Variants in PSD3 observed in about 807,000 individuals in gnomAD.
The protein encoded by PSD3 is pleckstrin and Sec7 domain containing 3.
Under a neutral mutation model 105.5 loss-of-function variants are expected in PSD3, and 49 were observed. That is an observed-to-expected ratio of 0.46 (90% CI 0.37 to 0.59). The LOEUF (loss-of-function observed/expected upper bound fraction) is 0.59, where lower values mean the gene tolerates loss of function less well. PSD3 is among the 20% of genes least tolerant of loss of function. The pLI, the probability that PSD3 is intolerant of heterozygous loss-of-function variation, is 0.00. For missense variants in PSD3, 1,561 were observed against 1,263.8 expected, an observed-to-expected ratio of 1.24 and a Z score of -3.57; for synonymous variants, 557 against 457.8, an observed-to-expected ratio of 1.22 and a Z score of -2.77.
At chr8:18,625,745 T>G (rs1435949837) in intron 11 of PSD3, among the ~76,000 whole-genome samples, 1 of 152,194 alleles carries the variant, frequency 6.6e-6, no homozygotes, top group Non-Finnish European at 1.5e-5. Context: ...ACATCCTTGG[T>G]TAAGATGCTT....
intron 9 of PSD3, among the ~76,000 whole-genome samples, chr8:18,659,385 G>A (rs1809152269): frequency 6.6e-6 from 1 of 152,058 alleles, no homozygotes; most frequent in Non-Finnish European, 1.5e-5. Flanking sequence ...CAACAAAATG[G>A]GATTTCAGAA....
intron 12 of PSD3, among the ~76,000 whole-genome samples, chr8:18,582,493 G>A (rs1802883258): frequency 6.6e-6 from 1 of 151,998 alleles, no homozygotes; most frequent in Admixed American, 6.6e-5. Flanking sequence ...ATGGTCCACT[G>A]GCTCTGTCCT....
intron 9 of PSD3, among the ~76,000 whole-genome samples, chr8:18,754,659 T>C (rs1034534084): frequency 6.6e-6 from 1 of 152,104 alleles, no homozygotes; most frequent in African/African-American, 2.4e-5. Flanking sequence ...ATACAGGTTG[T>C]GTGAAATTTG....
At chr8:18,704,809 A>C (rs1270597125) in intron 9 of PSD3, among the ~76,000 whole-genome samples, 3 of 152,210 alleles carry the variant, frequency 2.0e-5, no homozygotes, top group African/African-American at 7.2e-5. Context: ...ATGTTAAAAG[A>C]CAAACCAGCA....
intron 4 of PSD3, among the ~76,000 whole-genome samples, chr8:18,806,099 G>C (rs1285286084): frequency 6.6e-6 from 1 of 152,124 alleles, no homozygotes; most frequent in East Asian, 1.9e-4. Context: ...CTCAAGCGCT[G>C]AAATGAAATA....
At chr8:19,063,236 C>T (rs1016942136) in intron 1 of PSD3, among the ~76,000 whole-genome samples, 1 of 152,184 alleles carries the variant, frequency 6.6e-6, no homozygotes, top group African/African-American at 2.4e-5. Flanking sequence ...AAATTGGGCA[C>T]ACTGGTTAGC....
At chr8:18,560,072 T>C (rs1381531881) in intron 14 of PSD3, among the ~76,000 whole-genome samples, 1 of 152,132 alleles carries the variant, frequency 6.6e-6, no homozygotes, top group Non-Finnish European at 1.5e-5. Flanking sequence ...AATCTGTCCA[T>C]TTTGAACAGT....
chr8:19,056,418 A>G (rs1352459802), intron 1 of PSD3, among the ~76,000 whole-genome samples: 1 of 152,220 alleles, frequency 6.6e-6, no homozygotes, highest in South Asian at 2.1e-4. Flanking sequence ...ACGTTGTACA[A>G]TTATAAAGAA....
At chr8:18,541,887 A>C (rs950036606) in intron 15 of PSD3, among the ~76,000 whole-genome samples, 2 of 151,680 alleles carry the variant, frequency 1.3e-5, no homozygotes, top group African/African-American at 4.9e-5. Flanking sequence ...AGTAGCTGGG[A>C]TTACAGGTAT....
chr8:18,859,909 T>A (rs1816309954), intron 4 of PSD3, among the ~76,000 whole-genome samples: 1 of 152,260 alleles, frequency 6.6e-6, no homozygotes, highest in Admixed American at 6.5e-5. Flanking sequence ...TTCTATGAAG[T>A]AGCACTTTTA....
intron 1 of PSD3, among the ~76,000 whole-genome samples, chr8:18,940,850 T>G (rs890791053): frequency 7.9e-5 from 12 of 152,162 alleles, no homozygotes; most frequent in African/African-American, 2.9e-4. Context: ...AAAACCACGC[T>G]TCTGTCTGTC....
intron 3 of PSD3, among the ~76,000 whole-genome samples, chr8:18,871,399 C>T (rs1484141040): frequency 2.0e-5 from 3 of 152,144 alleles, no homozygotes; most frequent in African/African-American, 7.2e-5. Context: ...ACTCTGTTTC[C>T]CTGGTCCATG....
chr8:18,941,936 G>A (rs1396272947), intron 1 of PSD3, among the ~76,000 whole-genome samples: 10 of 152,212 alleles, frequency 6.6e-5, no homozygotes, highest in Non-Finnish European at 1.5e-5. Flanking sequence ...GCCTCCCAAA[G>A]TGCTGGGATT....
intron 9 of PSD3, among the ~76,000 whole-genome samples, chr8:18,761,907 C>G (rs1190582061): frequency 2.0e-5 from 3 of 152,074 alleles, no homozygotes; most frequent in African/African-American, 7.2e-5. Context: ...TGAATCATAC[C>G]AGATGATCTG....
chr8:18,702,224 G>A (rs936489263), intron 9 of PSD3, among the ~76,000 whole-genome samples: 4 of 152,146 alleles, frequency 2.6e-5, no homozygotes, highest in African/African-American at 9.7e-5. Flanking sequence ...GAAATATATT[G>A]GAAATGTATC....
In PSD3 at chr8:18,580,382, C is replaced by T. The variant is rs368849561; in HGVS notation, c.2482-5097G>A. Among the ~76,000 whole-genome samples, 4 of 152,098 alleles carry T rather than the reference C, an allele frequency of 2.6e-5. No individual in the cohort carries two copies. In the South Asian group the frequency reaches 6.2e-4, roughly 24 times the overall value. ...GCCTGAACCAAGCCCTCCCCTGATG[C>T]GACCCAGTAAACTTTTACAAAACCT... On this transcript the variant is annotated intron_variant, in intron 12 of 15. Coordinates refer to ENST00000327040, the MANE Select transcript of PSD3 (RefSeq NM_015310.4).
chr8:18,598,539 T>C (rs2468979), intron 12 of PSD3, among the ~76,000 whole-genome samples: 115,898 of 151,466 alleles, frequency 0.77, 44,926 homozygotes, highest in South Asian at 0.89. Flanking sequence ...ACAGATCAAA[T>C]GATAAAAATT....
At chr8:18,679,220 T>C (rs1469131058) in intron 9 of PSD3, among the ~76,000 whole-genome samples, 2 of 152,216 alleles carry the variant, frequency 1.3e-5, no homozygotes, top group African/African-American at 2.4e-5. Flanking sequence ...CAAAGGGCCA[T>C]TGTAATGATT....
chr8:18,819,718 G>A (rs558438405), intron 4 of PSD3, among the ~76,000 whole-genome samples: 1 of 151,634 alleles, frequency 6.6e-6, no homozygotes. Flanking sequence ...AGCTAGGACT[G>A]CAGGCGCCCA....
Sources: gnomAD v4.1 joint callset for allele counts (sites outside exome capture counted in the v4.1 genomes callset) on GRCh38, gnomAD v4.1.1 for gene constraint, MANE v1.5 for transcripts, NCBI Gene and HGNC (gene_info 2026-07-23, HGNC 2026-07-21) for gene names.